DNMT3B: variants seen among roughly 807,000 people sequenced by gnomAD.
DNMT3B encodes DNA methyltransferase 3 beta.
DNMT3B carries 37 observed loss-of-function variants against 120.2 expected under a neutral mutation model. The ratio of observed to expected loss-of-function variants is 0.31; its 90% CI spans 0.24 to 0.40. The LOEUF (loss-of-function observed/expected upper bound fraction) is 0.40, where lower values mean the gene tolerates loss of function less well. Among genes scored for constraint, DNMT3B ranks in the 10% least tolerant of loss-of-function variants. DNMT3B has a pLI of 1.00. For missense variants in DNMT3B, 878 were observed against 1,137.3 expected (o/e 0.77, Z 3.28); for synonymous variants, 412 against 442.8 (o/e 0.93, Z 0.87).
At chr20:32,771,262 G>C (rs1229613500) in intron 1 of DNMT3B, among the ~76,000 whole-genome samples, 1 of 152,184 alleles carries the variant, frequency 6.6e-6, no homozygotes. Flanking sequence ...GAAGAGAACA[G>C]GAAATGAGAG....
chr20:32,768,192 ATTT>A (rs34062797), intron 1 of DNMT3B, among the ~76,000 whole-genome samples: 13 of 128,682 alleles, frequency 1.0e-4, no homozygotes, highest in African/African-American at 9.0e-5. Flanking sequence ...GCTAATTTTA[ATTT>A]TTTTTTTTTT....
At chr20:32,793,703 A>C in intron 10 of DNMT3B, 108 bp downstream of exon 10, 1 of 1,254,618 alleles carries the variant, frequency 8.0e-7, no homozygotes. Flanking sequence ...TTGAAAAGTC[A>C]ATCTGAACTC....
intron 3 of DNMT3B, 64 bp from the exon 4 acceptor site, chr20:32,784,694 C>G: frequency 6.3e-7 from 1 of 1,577,140 alleles, no homozygotes; most frequent in Non-Finnish European, 8.7e-7. Context: ...TTGCAGGTGC[C>G]TTGTTTCTTT....
chr20:32,778,537 T>A (rs1032506964), intron 1 of DNMT3B, among the ~76,000 whole-genome samples: 8 of 152,154 alleles, frequency 5.3e-5, no homozygotes, highest in Non-Finnish European at 8.8e-5. Flanking sequence ...AGTTGCCCCA[T>A]GCCATGGGCA....
At chr20:32,797,937 A>C (rs1054817828) in intron 14 of DNMT3B, among the ~76,000 whole-genome samples, 1 of 151,910 alleles carries the variant, frequency 6.6e-6, no homozygotes, top group Middle Eastern at 3.2e-3. Context: ...AGCACTCCCA[A>C]AGTTCTGGGA....
At chr20:32,789,370 G>A (rs947323552) in intron 7 of DNMT3B, among the ~76,000 whole-genome samples, 8 of 152,204 alleles carry the variant, frequency 5.3e-5, no homozygotes, top group South Asian at 2.1e-4. Context: ...AAGCATGGCC[G>A]CGGCCTCTTG....
At chr20:32,803,496 A>T (rs1432881438) in intron 20 of DNMT3B, among the ~76,000 whole-genome samples, 2 of 152,142 alleles carry the variant, frequency 1.3e-5, no homozygotes, top group Admixed American at 1.3e-4. Context: ...AAATGGGTTA[A>T]TGCTTTCAAC....
rs1208508674 is a variant in DNMT3B at position 32,765,750 on chromosome 20, C to CTTTTTTTTTTTTTTTTTTTT, written c.-7+3058_-7+3059insTTTTTTTTTTTTTTTTTTTT. 3.7e-5 allele frequency among the ~76,000 whole-genome samples: 4 copies of CTTTTTTTTTTTTTTTTTTTT among 108,436 alleles called. 1 individual carries two copies. Among genetic ancestry groups the CTTTTTTTTTTTTTTTTTTTT allele is most frequent in the African/African-American group, 1.0e-4 (2 of 20,004 alleles). 71.1% of individuals were successfully genotyped at this position (108,436 alleles called of 152,430 possible). A position where few individuals can be genotyped will look rare whatever the true frequency, so the allele number is the denominator to read the frequency against. On this transcript the variant is annotated intron_variant, in intron 1 of 22. Transcript: ENST00000328111. ...TTATTTATTTATTTATTTATTTTTT[C>CTTTTTTTTTTTTTTTTTTTT]TTTTTTTCTTTTTTTTTTTTTTTGA...
Position 32,795,474 on chromosome 20 carries a change from C to T in DNMT3B, c.1192C>T (p.Arg398Cys), listed in dbSNP as rs778547539. The change falls in exon 11 of 23, where the codon CGC becomes TGC. Residue 398 changes from arginine to cysteine, a missense_variant. Around this residue, in one of 4 missense-constraint regions of DNMT3B, gnomAD observed 207 missense variants for 222.6 expected, o/e 0.93. Transcript: ENST00000328111. Reference sequence around the variant, plus strand: ...CTCTGACTACTGCCCCGCACCCAAGCGCCTCAAGACAAATTGCTATAACAA... The same window carrying T: ...CTCTGACTACTGCCCCGCACCCAAGTGCCTCAAGACAAATTGCTATAACAA... ...ATSDYCPAPK[R>C]LKTNCYNNGK... 4.3e-6 allele frequency: 7 copies of T among 1,614,140 alleles called. No individual in the cohort carries two copies. The highest frequency in any genetic ancestry group is 5.1e-6 in the Non-Finnish European group (6 of 1,180,034).
chr20:32,781,382 A>G lies in DNMT3B; in HGVS notation c.172A>G (p.Arg58Gly). ...GRRSSSRLSK[R>G]EVSSLLSYTQ... ...AAGATCAAGCTCGCGACTCTCCAAG[A>G]GGGAGGTGTCCAGTCTGCTAAGCTA... The change falls in exon 3 of 23, where the codon AGG (arginine) becomes GGG (glycine). Residue 58 changes from arginine (R) to glycine (G), a missense_variant. Around this residue, in one of 4 missense-constraint regions of DNMT3B, gnomAD observed 287 missense variants for 306.2 expected, o/e 0.94. Transcript: ENST00000328111. The G allele has an allele frequency of 1.2e-6, 2 of 1,614,176 alleles. No homozygotes were observed. The highest frequency in any genetic ancestry group is 1.7e-6 in the Non-Finnish European group (2 of 1,180,038).
chr20:32,779,741 A>C, intron 1 of DNMT3B: 1 of 323,376 alleles, frequency 3.1e-6, no homozygotes. Flanking sequence ...CCAGCAGACC[A>C]ATGGGCCCTG....
chr20:32,807,141 G>T (rs1020906312), intron 22 of DNMT3B, among the ~76,000 whole-genome samples: 14 of 152,192 alleles, frequency 9.2e-5, no homozygotes, highest in Non-Finnish European at 2.9e-5. Flanking sequence ...CACATCTTTG[G>T]CATGTTTCTG....
At chr20:32,783,178 C>T (rs1267810548) in intron 3 of DNMT3B, among the ~76,000 whole-genome samples, 6 of 152,116 alleles carry the variant, frequency 3.9e-5, no homozygotes, top group African/African-American at 1.2e-4. Context: ...CCACCTGTCC[C>T]GGCCTCCCAA....
At chr20:32,801,711 A>G (rs1484418270) in intron 19 of DNMT3B, among the ~76,000 whole-genome samples, 1 of 152,064 alleles carries the variant, frequency 6.6e-6, no homozygotes, top group Non-Finnish European at 1.5e-5. Context: ...CAGCCTCCCA[A>G]ATGGCTGGGA....
Position 32,809,030 on chromosome 20 carries a change from G to C in DNMT3B, c.*1127G>C, listed in dbSNP as rs1434927264. On this transcript the variant is annotated 3_prime_UTR_variant, in exon 23 of 23. Coordinates refer to ENST00000328111, the MANE Select transcript of DNMT3B (RefSeq NM_006892.4). ...TATTCCATAAGAAGTCGTTTTTAGG[G>C]AGAACGGGAATTCAGACAAGCTGCA... is the stretch of plus-strand genomic sequence containing the variant. The C allele has an allele frequency of 4.6e-6, 1 of 216,974 alleles. No individual in the cohort carries two copies. 13.4% of individuals were successfully genotyped at this position (216,974 alleles called of 1,614,324 possible). A position where few individuals can be genotyped will look rare whatever the true frequency, so the allele number is the denominator to read the frequency against.
chr20:32,795,794 G>A (rs1374376708), intron 12 of DNMT3B, 100 bp downstream of exon 12: 1 of 1,505,416 alleles, frequency 6.6e-7, no homozygotes, highest in Non-Finnish European at 9.2e-7. Flanking sequence ...TTAACCCAGA[G>A]CTCTGTTCCT....
chr20:32,797,590 C>T (rs1202883715), intron 14 of DNMT3B, among the ~76,000 whole-genome samples: 1 of 152,088 alleles, frequency 6.6e-6, no homozygotes, highest in Non-Finnish European at 1.5e-5. Flanking sequence ...AATTCCTGTG[C>T]TCAAGCAATC....
intron 1 of DNMT3B, among the ~76,000 whole-genome samples, chr20:32,766,508 C>T (rs888661991): frequency 2.0e-5 from 3 of 152,162 alleles, no homozygotes; most frequent in African/African-American, 7.2e-5. Flanking sequence ...CACACATGGC[C>T]TCTAGGTCAC....
chr20:32,799,237 C>T lies in DNMT3B; in HGVS notation c.1675-7C>T. ...TCACCACCATGACCTCCTTCCTTAC[C>T]TGGCAGGAAGCCCCCAAGCTGTACC... On this transcript the variant is annotated splice_region_variant and splice_polypyrimidine_tract_variant and intron_variant, in intron 15 of 22. Transcript: ENST00000328111. 3.1e-6 allele frequency: 5 copies of T among 1,610,238 alleles called. No individual in the cohort carries two copies. Among genetic ancestry groups the T allele is most frequent in the Non-Finnish European group, 4.2e-6 (5 of 1,178,442 alleles).
Sources: gnomAD v4.1 joint callset for allele counts (sites outside exome capture counted in the v4.1 genomes callset) on GRCh38, gnomAD v4.1.1 for gene constraint, gnomAD v4.1.1 regional missense constraint, MANE v1.5 for transcripts, NCBI Gene and HGNC (gene_info 2026-07-23, HGNC 2026-07-21) for gene names.